Variants in EEFSEC observed in about 807,000 individuals in gnomAD.
EEFSEC encodes selenocysteine-specific elongation factor.
Under a neutral mutation model 42.1 loss-of-function variants are expected in EEFSEC, and 43 were observed. The observed-to-expected ratio is 1.02, with a 90% CI of 0.80 to 1.32. The LOEUF is 1.32. EEFSEC is among the 40% of genes most tolerant of loss of function. EEFSEC has a pLI of 0.00. For synonymous variants in EEFSEC, 354 were observed against 339.1 expected (o/e 1.04, Z -0.48); for missense variants, 745 against 803.6 (o/e 0.93, Z 0.88).
chr3:128,244,944 A>G (rs2066111964), intron 1 of EEFSEC, among the ~76,000 whole-genome samples: 1 of 152,200 alleles, frequency 6.6e-6, no homozygotes, highest in African/African-American at 2.4e-5. Context: ...TCATGGCATT[A>G]TAGCATTATA....
chr3:128,244,059 G>A (rs1351426988), intron 1 of EEFSEC, among the ~76,000 whole-genome samples: 2 of 152,236 alleles, frequency 1.3e-5, no homozygotes, highest in Non-Finnish European at 2.9e-5. Flanking sequence ...CCTTGGTTCT[G>A]TGGGCACAGC....
At chr3:128,258,557 T>TG (rs1422017438) in intron 2 of EEFSEC, among the ~76,000 whole-genome samples, 1 of 152,192 alleles carries the variant, frequency 6.6e-6, no homozygotes, top group Non-Finnish European at 1.5e-5. Context: ...GTGTGCATGG[T>TG]GGGTGCTTCA....
chr3:128,244,471 CTTT>C (rs34606977), intron 1 of EEFSEC, among the ~76,000 whole-genome samples: 2 of 134,500 alleles, frequency 1.5e-5, no homozygotes, highest in Admixed American at 7.2e-5. Context: ...ATTGGGGAGT[CTTT>C]TTTTTTTTTT....
chr3:128,274,429 G>T (rs921519741), intron 4 of EEFSEC, among the ~76,000 whole-genome samples: 2 of 152,230 alleles, frequency 1.3e-5, no homozygotes, highest in African/African-American at 4.8e-5. Flanking sequence ...TGGCAGTCAG[G>T]CAGCACTCAG....
intron 6 of EEFSEC, among the ~76,000 whole-genome samples, chr3:128,374,336 C>T (rs976122225): frequency 6.6e-6 from 1 of 151,958 alleles, no homozygotes; most frequent in Admixed American, 6.5e-5. Context: ...GTAAGCGGAC[C>T]GTGCTTACCT....
intron 4 of EEFSEC, among the ~76,000 whole-genome samples, chr3:128,325,232 G>A (rs1443622182): frequency 2.6e-5 from 4 of 152,218 alleles, no homozygotes; most frequent in African/African-American, 9.7e-5. Context: ...TCCCTGTTGA[G>A]CCTTGCTGAG....
intron 2 of EEFSEC, among the ~76,000 whole-genome samples, chr3:128,253,070 G>T (rs187694085): frequency 4.3e-4 from 66 of 152,348 alleles, no homozygotes; most frequent in African/African-American, 1.3e-3. Context: ...CATGTTCAGC[G>T]TGTTGGGAAG....
chr3:128,399,547 G>A (rs1011660713), intron 6 of EEFSEC, among the ~76,000 whole-genome samples: 11 of 152,048 alleles, frequency 7.2e-5, no homozygotes, highest in Admixed American at 3.3e-4. Context: ...GTTTACATAC[G>A]GGATCCATAG....
intron 1 of EEFSEC, among the ~76,000 whole-genome samples, chr3:128,165,267 C>T (rs1293599730): frequency 1.3e-5 from 2 of 152,234 alleles, no homozygotes; most frequent in Admixed American, 6.5e-5. Flanking sequence ...TTCAGAGGCC[C>T]TGGCTTTGCC....
intron 4 of EEFSEC, among the ~76,000 whole-genome samples, chr3:128,305,709 T>C (rs2066818587): frequency 6.6e-6 from 1 of 152,236 alleles, no homozygotes; most frequent in South Asian, 2.1e-4. Context: ...TTTGTGTATT[T>C]GGGCTTTACT....
intron 6 of EEFSEC, among the ~76,000 whole-genome samples, chr3:128,373,110 G>A (rs1324643606): frequency 2.0e-5 from 3 of 151,934 alleles, no homozygotes; most frequent in East Asian, 1.9e-4. Context: ...GTCAAGATGA[G>A]GCCCTGAGAA....
At chr3:128,332,790 C>T (rs2067148192) in intron 4 of EEFSEC, among the ~76,000 whole-genome samples, 1 of 152,208 alleles carries the variant, frequency 6.6e-6, no homozygotes, top group Admixed American at 6.5e-5. Context: ...TCCTCATGCA[C>T]AGCCCTAGGT....
chr3:128,278,535 A>G lies in EEFSEC; in HGVS notation c.786+13754A>G, dbSNP rs1027204475. On this transcript the variant is annotated intron_variant, in intron 4 of 6. Coordinates refer to ENST00000254730, the MANE Select transcript of EEFSEC (RefSeq NM_021937.5). Reference sequence around the variant, plus strand: ...GGAAAGGTCTAGGAAGCAAGCTGACATAAGTGTCTGAAGCTCAGAGAAGTT... The same window carrying G: ...GGAAAGGTCTAGGAAGCAAGCTGACGTAAGTGTCTGAAGCTCAGAGAAGTT... Among the ~76,000 whole-genome samples, 3 of 152,360 alleles carry G rather than the reference A, an allele frequency of 2.0e-5. No individual in the cohort carries two copies. The East Asian group carries it at 5.8e-4, about 29-fold the overall frequency.
chr3:128,333,123 C>G (rs1187237784), intron 4 of EEFSEC, among the ~76,000 whole-genome samples: 1 of 152,168 alleles, frequency 6.6e-6, no homozygotes, highest in Non-Finnish European at 1.5e-5. Context: ...CAACCCTAGC[C>G]CTTGGCACAA....
At chr3:128,239,334 C>T (rs1460907605) in intron 1 of EEFSEC, among the ~76,000 whole-genome samples, 1 of 152,212 alleles carries the variant, frequency 6.6e-6, no homozygotes, top group Non-Finnish European at 1.5e-5. Flanking sequence ...ACTGTGCTGG[C>T]ATAGTGATAC....
intron 1 of EEFSEC, among the ~76,000 whole-genome samples, chr3:128,228,626 T>C (rs1434276172): frequency 1.3e-5 from 2 of 152,004 alleles, no homozygotes; most frequent in Non-Finnish European, 2.9e-5. Flanking sequence ...CACTCTCTTC[T>C]CCACAGAGGG....
intron 4 of EEFSEC, among the ~76,000 whole-genome samples, chr3:128,298,512 TCA>T (rs1298875727): frequency 6.6e-6 from 1 of 152,262 alleles, no homozygotes; most frequent in African/African-American, 2.4e-5. Flanking sequence ...TTTGATACAT[TCA>T]TGCAGTGTGT....
Position 128,153,566 on chromosome 3 carries a change from A to T in EEFSEC, c.59A>T (p.Lys20Met), listed in dbSNP as rs1293465378. ...GTGCTGGGCCACATCGACAGCGGCAAGACGGCGCTGGCGCGGGCGCTAAGC... is the reference window on the plus strand; with the variant it reads ...GTGCTGGGCCACATCGACAGCGGCATGACGGCGCTGGCGCGGGCGCTAAGC... The part of the protein sequence containing the change: ...VGVLGHIDSG[K>M]TALARALSTT... The change falls in exon 1 of 7, where the codon AAG (lysine) becomes ATG (methionine). Residue 20 changes from lysine (K) to methionine (M), a missense_variant. Transcript: ENST00000254730. 1 of 1,539,740 alleles carries T rather than the reference A, an allele frequency of 6.5e-7. No homozygotes were observed. Among genetic ancestry groups the T allele is most frequent in the Non-Finnish European group, 8.7e-7 (1 of 1,149,974 alleles).
chr3:128,323,221 G>A (rs1221183733), intron 4 of EEFSEC, among the ~76,000 whole-genome samples: 1 of 152,160 alleles, frequency 6.6e-6, no homozygotes, highest in Non-Finnish European at 1.5e-5. Flanking sequence ...ACACTTGTCA[G>A]CCCTGAGCTT....
Sources: allele counts gnomAD v4.1 joint callset (sites outside exome capture counted in the v4.1 genomes callset), GRCh38; gene constraint gnomAD v4.1.1; transcripts MANE v1.5; gene names NCBI Gene and HGNC (gene_info 2026-07-23, HGNC 2026-07-21).